Variants in PXDNL observed in about 807,000 individuals in gnomAD.
PXDNL encodes the protein probable oxidoreductase PXDNL.
PXDNL carries 145 observed loss-of-function variants against 150.8 expected under a neutral mutation model. The ratio of observed to expected loss-of-function variants is 0.96; its 90% CI spans 0.84 to 1.10. The LOEUF (loss-of-function observed/expected upper bound fraction) is 1.10. Among genes scored for constraint, PXDNL ranks in the 50% least tolerant of loss-of-function variants. PXDNL has a pLI of 0.00. For synonymous variants in PXDNL, 757 were observed against 725.7 expected (o/e 1.04, Z -0.69); for missense variants, 2,087 against 1,873.9 (o/e 1.11, Z -2.10).
intron 21 of PXDNL, among the ~76,000 whole-genome samples, chr8:51,335,768 G>C (rs1805817696): frequency 6.7e-6 from 1 of 148,734 alleles, no homozygotes; most frequent in South Asian, 2.1e-4. Context: ...ATCTCAAATA[G>C]AAATAATAAA....
chr8:51,424,758 A>G (rs1483069548), intron 13 of PXDNL, among the ~76,000 whole-genome samples: 1 of 152,172 alleles, frequency 6.6e-6, no homozygotes, highest in Non-Finnish European at 1.5e-5. Context: ...AGGATGGGAG[A>G]TATTTTTTCA....
chr8:51,585,154 G>A (rs1295908539), intron 3 of PXDNL, among the ~76,000 whole-genome samples: 1 of 152,134 alleles, frequency 6.6e-6, no homozygotes. Flanking sequence ...AGTAAGGAGT[G>A]CGTTTGAAGG....
At chr8:51,339,324 G>C (rs1216464208) in intron 21 of PXDNL, among the ~76,000 whole-genome samples, 1 of 152,206 alleles carries the variant, frequency 6.6e-6, no homozygotes, top group Non-Finnish European at 1.5e-5. Flanking sequence ...GCTGGGTGTA[G>C]TGACGGACGC....
In PXDNL at chr8:51,447,125, G is replaced by A. The variant is rs759907212; in HGVS notation, c.1404C>T (p.Leu468=). The change falls in exon 12 of 23, where the codon CTC becomes CTT. Residue 468 remains leucine, a synonymous_variant. Coordinates refer to ENST00000356297, the MANE Select transcript of PXDNL (RefSeq NM_144651.5). ...GGTCAATTCTCAAAGTGCCAGAGGA[G>A]AGAACTGTATGCTGGCCTTCCACAG... ...QLPVEGQHTV[L]SSGTLRIDRA... 3 of 1,613,980 alleles carry A rather than the reference G, an allele frequency of 1.9e-6. No individual in the cohort carries two copies. The highest frequency in any genetic ancestry group is 1.3e-5 in the African/African-American group (1 of 75,040).
At chr8:51,726,201 C>T (rs540654986) in intron 1 of PXDNL, among the ~76,000 whole-genome samples, 2 of 152,304 alleles carry the variant, frequency 1.3e-5, no homozygotes, top group Admixed American at 1.3e-4. Flanking sequence ...ATTTCTCCCA[C>T]TAAAACAAGC....
intron 21 of PXDNL, among the ~76,000 whole-genome samples, chr8:51,325,322 G>T (rs1275364499): frequency 6.6e-6 from 1 of 152,202 alleles, no homozygotes; most frequent in Non-Finnish European, 1.5e-5. Context: ...AAGCCTTCTG[G>T]TTTAGGTGTT....
At chr8:51,542,739 G>C (rs1289779127) in intron 4 of PXDNL, among the ~76,000 whole-genome samples, 2 of 151,826 alleles carry the variant, frequency 1.3e-5, no homozygotes, top group African/African-American at 4.8e-5. Flanking sequence ...GAACCCAGAA[G>C]GCAGAGGTTG....
intron 2 of PXDNL, among the ~76,000 whole-genome samples, chr8:51,608,156 G>T (rs369462061): frequency 6.9e-6 from 1 of 145,198 alleles, no homozygotes; most frequent in Non-Finnish European, 1.5e-5. Context: ...TTGGGAGGCC[G>T]AGGTGGGCAG....
chr8:51,488,105 A>G (rs1810808938), intron 5 of PXDNL, among the ~76,000 whole-genome samples: 1 of 152,234 alleles, frequency 6.6e-6, no homozygotes, highest in East Asian at 1.9e-4. Context: ...TAGATATGCA[A>G]ATCTTCCTCA....
At chr8:51,535,838 G>A (rs58927697) in intron 4 of PXDNL, among the ~76,000 whole-genome samples, 2,311 of 152,058 alleles carry the variant, frequency 0.015, 33 homozygotes, top group African/African-American at 0.035. Flanking sequence ...AAAAAGAAAA[G>A]AATATTCCTT....
chr8:51,645,218 G>A (rs1387375955), intron 2 of PXDNL, among the ~76,000 whole-genome samples: 2 of 152,058 alleles, frequency 1.3e-5, no homozygotes, highest in African/African-American at 4.8e-5. Flanking sequence ...CTGACTTTTT[G>A]TTCTATGCAG....
At chr8:51,701,214 CA>C in intron 1 of PXDNL, among the ~76,000 whole-genome samples, 1 of 152,056 alleles carries the variant, frequency 6.6e-6, no homozygotes, top group East Asian at 1.9e-4. Flanking sequence ...TAGCATTTAC[CA>C]TTTTTGCCTT....
At chr8:51,520,526 G>A (rs764556928) in intron 4 of PXDNL, among the ~76,000 whole-genome samples, 2 of 152,136 alleles carry the variant, frequency 1.3e-5, no homozygotes, top group African/African-American at 2.4e-5. Flanking sequence ...CGGAAGATCC[G>A]AGGACGGCCA....
intron 1 of PXDNL, among the ~76,000 whole-genome samples, chr8:51,743,238 G>C (rs1057105055): frequency 6.6e-6 from 1 of 152,086 alleles, no homozygotes; most frequent in Non-Finnish European, 1.5e-5. Context: ...GTTTTTTTGA[G>C]ACAGGGTCTC....
intron 3 of PXDNL, among the ~76,000 whole-genome samples, chr8:51,590,834 TTTGAG>T (rs2130652227): frequency 6.6e-6 from 1 of 152,284 alleles, no homozygotes; most frequent in Non-Finnish European, 1.5e-5. Flanking sequence ...GCTTTGGACT[TTTGAG>T]TTTGTGCTAA....
At chr8:51,533,896 C>A (rs1279730115) in intron 4 of PXDNL, among the ~76,000 whole-genome samples, 1 of 151,004 alleles carries the variant, frequency 6.6e-6, no homozygotes, top group Non-Finnish European at 1.5e-5. Context: ...CAGCCTCTGC[C>A]CAGCCGCCAC....
At position 51,668,176 on chromosome 8, in the gene PXDNL, C is replaced by CTTTTTTTTTTTTTTTTTT. The variant is rs71550279; in HGVS notation, c.165-13417_165-13416insAAAAAAAAAAAAAAAAAA. On this transcript the variant is annotated intron_variant, in intron 1 of 22. Coordinates refer to ENST00000356297, the MANE Select transcript of PXDNL (RefSeq NM_144651.5). ...ATACAAGGCTTCCTTCTCGCTCTCT[C>CTTTTTTTTTTTTTTTTTT]TTTTTTTTTTTTTTTTTGAGACAGA... Among the ~76,000 whole-genome samples, 49 of 77,382 alleles carry CTTTTTTTTTTTTTTTTTT rather than the reference C, an allele frequency of 6.3e-4. 7 individuals carry two copies. Among genetic ancestry groups the CTTTTTTTTTTTTTTTTTT allele is most frequent in the East Asian group, 1.5e-3 (3 of 2,038 alleles). The allele number at this position is 77,382 out of a possible 152,430, so 50.8% of individuals were successfully genotyped here.
Position 51,447,086 on chromosome 8 carries a change from G to A in PXDNL, c.1443C>T (p.His481=), listed in dbSNP as rs371975064. The A allele has an allele frequency of 2.5e-5, 41 of 1,613,780 alleles. No individual in the cohort carries two copies. In the Admixed American group the frequency reaches 4.3e-4, roughly 17 times the overall value. ...GTLRIDRAAQ[H]DQGQYECQAV... ...CTTGACATTCATATTGGCCTTGATC[G>A]TGCTGTGCTGCACGGTCAATTCTCA... Residue 481 remains histidine (H), a synonymous_variant, in exon 12 of 23, where the codon CAC becomes CAT. Transcript: ENST00000356297.
chr8:51,603,025 T>C (rs1813759101), intron 2 of PXDNL, among the ~76,000 whole-genome samples: 1 of 151,778 alleles, frequency 6.6e-6, no homozygotes, highest in African/African-American at 2.4e-5. Flanking sequence ...TTTTTCCAAA[T>C]TATTTACATA....
Sources: allele counts gnomAD v4.1 joint callset (sites outside exome capture counted in the v4.1 genomes callset), GRCh38; gene constraint gnomAD v4.1.1; transcripts MANE v1.5; gene names NCBI Gene and HGNC (gene_info 2026-07-23, HGNC 2026-07-21).